SLC20A2: variants seen among roughly 807,000 people sequenced by gnomAD.
SLC20A2 encodes the protein solute carrier family 20 member 2.
In SLC20A2, 30 loss-of-function variants were observed where a neutral mutation model predicts 61.0. The observed-to-expected ratio is 0.49, with a 90% CI of 0.37 to 0.67. SLC20A2 has a LOEUF of 0.67. Among genes scored for constraint, SLC20A2 ranks in the 30% least tolerant of loss-of-function variants. The pLI, the probability that SLC20A2 is intolerant of heterozygous loss-of-function variation, is 0.00. For missense variants in SLC20A2, 626 were observed against 866.4 expected, an observed-to-expected ratio of 0.72 and a Z score of 3.48; for synonymous variants, 351 against 353.3, an observed-to-expected ratio of 0.99 and a Z score of 0.07.
rs916050395 is a variant in SLC20A2 at position 42,421,523 on chromosome 8, G to A, written c.1795-3556C>T. On this transcript the variant is annotated intron_variant, in intron 10 of 10. Coordinates refer to ENST00000520262, the MANE Select transcript of SLC20A2 (RefSeq NM_001257180.2). ...TAGTGTTTTAGAAATACTGAATATC[G>A]GCCGGGTGCGGTGGCTCATGCCTGT... Among the ~76,000 whole-genome samples the A allele has an allele frequency of 5.3e-5, 8 of 152,246 alleles. No homozygotes were observed. The East Asian group carries it at 5.8e-4, about 11-fold the overall frequency.
At chr8:42,447,982 G>C (rs1412837928) in intron 5 of SLC20A2, among the ~76,000 whole-genome samples, 1 of 152,192 alleles carries the variant, frequency 6.6e-6, no homozygotes, top group Non-Finnish European at 1.5e-5. Flanking sequence ...CGACCCCTTG[G>C]TTGGTTGCAC....
chr8:42,469,662 G>A (rs888377542), intron 2 of SLC20A2, among the ~76,000 whole-genome samples: 5 of 152,286 alleles, frequency 3.3e-5, no homozygotes, highest in Admixed American at 2.0e-4. Flanking sequence ...GGGTGTGGTG[G>A]CTCACGCCTG....
chr8:42,441,441 CGT>C lies in SLC20A2; in HGVS notation c.731-1790_731-1789del, dbSNP rs1459999676. Among the ~76,000 whole-genome samples the C allele has an allele frequency of 2.3e-3, 337 of 149,288 alleles. 9 individuals are homozygous for C. The highest frequency in any genetic ancestry group is 7.6e-3 in the African/African-American group (305 of 40,348). ...TGCTGGGATTACAGGCATGAGTCAC[CGT>C]GCCTGGGCTATTTTGTTCTTTTTGT... On this transcript the variant is annotated intron_variant, in intron 6 of 10. Coordinates refer to ENST00000520262, the MANE Select transcript of SLC20A2 (RefSeq NM_001257180.2).
upstream of SLC20A2, among the ~76,000 whole-genome samples, chr8:42,503,224 G>C (rs1810430768): frequency 6.6e-6 from 1 of 152,158 alleles, no homozygotes; most frequent in Non-Finnish European, 1.5e-5. Flanking sequence ...TTTCATTAGT[G>C]AAACTACTTG....
chr8:42,499,877 T>C (rs1810209759), intron 1 of SLC20A2, among the ~76,000 whole-genome samples: 2 of 152,214 alleles, frequency 1.3e-5, no homozygotes, highest in South Asian at 4.1e-4. Flanking sequence ...GTAAGTTTCT[T>C]TCTAAAAATA....
At chr8:42,470,790 A>G (rs894894021) in intron 2 of SLC20A2, among the ~76,000 whole-genome samples, 5 of 152,042 alleles carry the variant, frequency 3.3e-5, no homozygotes, top group African/African-American at 1.2e-4. Flanking sequence ...CCTGGCCAAC[A>G]TGGTGAAACC....
At chr8:42,460,596 A>C (rs1170833444) in intron 4 of SLC20A2, among the ~76,000 whole-genome samples, 1 of 152,258 alleles carries the variant, frequency 6.6e-6, no homozygotes, top group Non-Finnish European at 1.5e-5. Flanking sequence ...GTTAAAAAGA[A>C]CTGCAGTTCC....
intron 9 of SLC20A2, among the ~76,000 whole-genome samples, chr8:42,429,078 C>T (rs1431786310): frequency 6.6e-6 from 1 of 152,228 alleles, no homozygotes; most frequent in Non-Finnish European, 1.5e-5. Context: ...TTTTCAAAGA[C>T]CACACACTGC....
At chr8:42,468,429 CAG>C (rs1807359444) in intron 2 of SLC20A2, among the ~76,000 whole-genome samples, 1 of 151,822 alleles carries the variant, frequency 6.6e-6, no homozygotes, top group South Asian at 2.1e-4. Flanking sequence ...GGGGAGGAGA[CAG>C]GGGACAGCTG....
chr8:42,508,302 G>C (rs1250587364), intron 1 of SLC20A2, among the ~76,000 whole-genome samples: 2 of 152,216 alleles, frequency 1.3e-5, no homozygotes, highest in Admixed American at 6.5e-5. Context: ...ACCATATTGA[G>C]ACCCTATCTC....
chr8:42,445,587 C>T lies in SLC20A2; in HGVS notation c.614-825G>A, dbSNP rs554939645. ...CTAAAAATACAAAAACTTAGCCAGG[C>T]GCGGTGACAGGCGCCTGTAATCACA... On this transcript the variant is annotated intron_variant, in intron 5 of 10. Transcript: ENST00000520262. Among the ~76,000 whole-genome samples the T allele has an allele frequency of 5.3e-5, 8 of 152,130 alleles. No homozygotes were observed. In the South Asian group the frequency reaches 1.7e-3, roughly 32 times the overall value.
At chr8:42,494,533 T>C (rs190492894) in intron 1 of SLC20A2, among the ~76,000 whole-genome samples, 3 of 152,334 alleles carry the variant, frequency 2.0e-5, no homozygotes, top group Non-Finnish European at 2.9e-5. Flanking sequence ...CTCAGGTACA[T>C]ACATAGGTGT....
Position 42,462,001 on chromosome 8 carries a change from C to T in SLC20A2, c.516+1004G>A, listed in dbSNP as rs76443879. 3.3e-5 allele frequency among the ~76,000 whole-genome samples: 5 copies of T among 152,270 alleles called. No homozygotes were observed. In the East Asian group the frequency reaches 9.6e-4, roughly 29 times the overall value. On this transcript the variant is annotated intron_variant, in intron 4 of 10. Transcript: ENST00000520262. ...AGGCAACTAAGCAAGAAATGCAGCA[C>T]CATATGACATGCTAAGTGCCGTGAT...
intron 1 of SLC20A2, among the ~76,000 whole-genome samples, chr8:42,490,926 TCCTA>T (rs1324860823): frequency 1.3e-5 from 2 of 152,162 alleles, no homozygotes; most frequent in African/African-American, 4.8e-5. Flanking sequence ...CTTTTATAAC[TCCTA>T]ACACCTACGT....
chr8:42,458,709 C>G (rs1383740428), intron 5 of SLC20A2, among the ~76,000 whole-genome samples: 2 of 150,930 alleles, frequency 1.3e-5, no homozygotes, highest in African/African-American at 4.9e-5. Flanking sequence ...GAGACTGAGA[C>G]CATCCTGGCT....
intron 2 of SLC20A2, among the ~76,000 whole-genome samples, chr8:42,468,410 T>A (rs373279021): frequency 1.3e-5 from 2 of 150,956 alleles, no homozygotes; most frequent in East Asian, 3.9e-4. Context: ...GGAGAGAGGA[T>A]AGCAGGGAGG....
chr8:42,470,702 G>A (rs933123337), intron 2 of SLC20A2, among the ~76,000 whole-genome samples: 1 of 152,138 alleles, frequency 6.6e-6, no homozygotes, highest in Non-Finnish European at 1.5e-5. Flanking sequence ...GGCCAGGTGT[G>A]GTGGCTCACG....
intron 1 of SLC20A2, among the ~76,000 whole-genome samples, chr8:42,512,757 T>C (rs1163524969): frequency 6.6e-6 from 1 of 152,258 alleles, no homozygotes; most frequent in Non-Finnish European, 1.5e-5. Context: ...GCCCTTCTTA[T>C]TTAAAATTAT....
chr8:42,460,605 C>T (rs1033370043), intron 4 of SLC20A2, among the ~76,000 whole-genome samples: 1 of 152,178 alleles, frequency 6.6e-6, no homozygotes, highest in Non-Finnish European at 1.5e-5. Context: ...AACTGCAGTT[C>T]CTTGTTGAAT....
Sources: allele counts gnomAD v4.1 joint callset (sites outside exome capture counted in the v4.1 genomes callset), GRCh38; gene constraint gnomAD v4.1.1; transcripts MANE v1.5; gene names NCBI Gene and HGNC (gene_info 2026-07-23, HGNC 2026-07-21).